Variants in EIF4G3 observed in about 807,000 individuals in gnomAD.
EIF4G3 encodes the protein eukaryotic translation initiation factor 4 gamma 3.
A neutral mutation model predicts 186.4 loss-of-function variants in EIF4G3; 34 were observed. The ratio of observed to expected loss-of-function variants is 0.18; its 90% CI spans 0.14 to 0.24. The LOEUF (loss-of-function observed/expected upper bound fraction) is 0.24, where lower values mean the gene tolerates loss of function less well. EIF4G3 is among the 10% of genes least tolerant of loss of function. The pLI is 1.00. For synonymous variants in EIF4G3, 673 were observed against 679.5 expected (o/e 0.99, Z 0.15); for missense variants, 1,536 against 1,948.5 (o/e 0.79, Z 3.99).
At chr1:20,944,208 C>T (rs920471373) in intron 13 of EIF4G3, among the ~76,000 whole-genome samples, 5 of 151,924 alleles carry the variant, frequency 3.3e-5, no homozygotes, top group Admixed American at 1.3e-4. Flanking sequence ...TGACTGAAAC[C>T]TAGATGCAGT....
chr1:21,079,689 A>AT (rs976821762), intron 3 of EIF4G3, among the ~76,000 whole-genome samples: 7 of 139,964 alleles, frequency 5.0e-5, no homozygotes, highest in African/African-American at 1.3e-4. Context: ...GTCGCAAAAG[A>AT]AAAAAAAAAA....
chr1:21,008,793 A>G (rs2086086342), intron 4 of EIF4G3, among the ~76,000 whole-genome samples: 1 of 152,280 alleles, frequency 6.6e-6, no homozygotes, highest in African/African-American at 2.4e-5. Flanking sequence ...GAATGCTGAA[A>G]TAATCCCACA....
chr1:21,173,045 A>T (rs187716503), intron 2 of EIF4G3, among the ~76,000 whole-genome samples: 54 of 137,772 alleles, frequency 3.9e-4, no homozygotes, highest in African/African-American at 1.3e-3. Flanking sequence ...AGGCTGAGGT[A>T]GGGGAATCGT....
chr1:21,157,234 T>A (rs987859562), intron 2 of EIF4G3, among the ~76,000 whole-genome samples: 8 of 152,028 alleles, frequency 5.3e-5, no homozygotes, highest in Non-Finnish European at 1.2e-4. Flanking sequence ...ACCATTTCCC[T>A]CAACTGTAGA....
intron 14 of EIF4G3, among the ~76,000 whole-genome samples, chr1:20,924,886 TAA>T (rs2094765727): frequency 6.6e-6 from 1 of 152,226 alleles, no homozygotes; most frequent in Admixed American, 6.5e-5. Flanking sequence ...GAATGAGACC[TAA>T]GACACATATT....
At chr1:21,066,799 C>A (rs1572005609) in intron 3 of EIF4G3, among the ~76,000 whole-genome samples, 1 of 152,162 alleles carries the variant, frequency 6.6e-6, no homozygotes, top group African/African-American at 2.4e-5. Context: ...AATTAAAACT[C>A]CATTTACCAC....
At chr1:21,153,091 T>G (rs529180369) in intron 2 of EIF4G3, among the ~76,000 whole-genome samples, 1 of 152,356 alleles carries the variant, frequency 6.6e-6, no homozygotes, top group African/African-American at 2.4e-5. Flanking sequence ...TAAGAAACTT[T>G]CAGGGACAAT....
rs754223109 is a variant in EIF4G3, at chr1:20,807,286, G to A, written c.*33C>T. ...AACTTTTTAAAAAAATACTTAAATT[G>A]TTTCTTTTGTTTCATTTTGTGTATT... On this transcript the variant is annotated 3_prime_UTR_variant, in exon 37 of 37. Transcript: ENST00000602326. 1 of 1,540,562 alleles carries A rather than the reference G, an allele frequency of 6.5e-7. No homozygotes were observed. The highest frequency in any genetic ancestry group is 2.0e-5 in the Admixed American group (1 of 51,166).
chr1:20,894,460 A>G (rs1321426470), intron 17 of EIF4G3, among the ~76,000 whole-genome samples: 1 of 152,190 alleles, frequency 6.6e-6, no homozygotes, highest in Non-Finnish European at 1.5e-5. Flanking sequence ...ACCTGTTGCT[A>G]TAAGAAAGTA....
chr1:20,824,958 G>C (rs2063239314), intron 33 of EIF4G3, 142 bp downstream of exon 33: 1 of 510,748 alleles, frequency 2.0e-6, no homozygotes, highest in Non-Finnish European at 3.4e-6. Context: ...GGCTTTAAAA[G>C]CATGAACTTA....
At chr1:21,099,735 T>C (rs889430607) in intron 2 of EIF4G3, among the ~76,000 whole-genome samples, 3 of 152,202 alleles carry the variant, frequency 2.0e-5, no homozygotes, top group African/African-American at 7.2e-5. Context: ...TTTCTGTGTC[T>C]TCTACACAGT....
chr1:20,974,904 G>T (rs2076550736), intron 10 of EIF4G3, among the ~76,000 whole-genome samples: 2 of 152,062 alleles, frequency 1.3e-5, no homozygotes, highest in Admixed American at 1.3e-4. Context: ...TATGTACGAG[G>T]GTAGTTCACA....
chr1:21,155,283 A>G (rs979758976), intron 2 of EIF4G3, among the ~76,000 whole-genome samples: 4 of 150,548 alleles, frequency 2.7e-5, no homozygotes, highest in African/African-American at 4.9e-5. Context: ...AAAAAAAAAA[A>G]AAAGAAAGAA....
chr1:20,818,090 G>A (rs2061499739), intron 33 of EIF4G3, among the ~76,000 whole-genome samples: 2 of 151,954 alleles, frequency 1.3e-5, no homozygotes, highest in South Asian at 4.2e-4. Flanking sequence ...TTATCTCTAG[G>A]CTATGGTTAC....
chr1:21,011,303 G>A (rs189460651), intron 4 of EIF4G3, among the ~76,000 whole-genome samples: 1 of 150,482 alleles, frequency 6.6e-6, no homozygotes, highest in Admixed American at 6.6e-5. Context: ...ACAGGTAATT[G>A]ACAAAAGAAT....
intron 14 of EIF4G3, among the ~76,000 whole-genome samples, chr1:20,926,945 C>T (rs200701029): frequency 8.0e-5 from 12 of 150,572 alleles, no homozygotes; most frequent in South Asian, 2.1e-4. Context: ...TAAAGTACTA[C>T]GAGTATTTTA....
intron 2 of EIF4G3, among the ~76,000 whole-genome samples, chr1:21,109,821 G>A (rs1431636004): frequency 4.6e-5 from 7 of 152,208 alleles, no homozygotes; most frequent in African/African-American, 1.7e-4. Flanking sequence ...ATCTCACTCC[G>A]ACACCCAGGC....
intron 22 of EIF4G3, among the ~76,000 whole-genome samples, chr1:20,863,500 G>A (rs2076875599): frequency 7.0e-6 from 1 of 142,900 alleles, no homozygotes; most frequent in South Asian, 2.2e-4. Context: ...CCTGGAGTGC[G>A]ATGGCGCAAT....
chr1:21,103,921 T>G (rs1251462382), intron 2 of EIF4G3, among the ~76,000 whole-genome samples: 1 of 152,198 alleles, frequency 6.6e-6, no homozygotes, highest in African/African-American at 2.4e-5. Context: ...ACAGAATTCC[T>G]TACCATTTCA....
Sources: allele counts gnomAD v4.1 joint callset (sites outside exome capture counted in the v4.1 genomes callset), GRCh38; gene constraint gnomAD v4.1.1; transcripts MANE v1.5; gene names NCBI Gene and HGNC (gene_info 2026-07-23, HGNC 2026-07-21).